The following MGAT4C variants were observed in gnomAD, a reference collection of about 807,000 sequenced individuals.
MGAT4C encodes the protein MGAT4 family member C.
MGAT4C carries 19 observed loss-of-function variants against 40.1 expected under a neutral mutation model. The ratio of observed to expected loss-of-function variants is 0.47; its 90% CI spans 0.33 to 0.70. The LOEUF (loss-of-function observed/expected upper bound fraction) is 0.70. MGAT4C is among the 30% of genes least tolerant of loss of function. The probability of loss-of-function intolerance (pLI) is 0.02; values close to 1 mark genes in which losing one functional copy is unlikely to be tolerated. For missense variants in MGAT4C, 491 were observed against 563.2 expected, an observed-to-expected ratio of 0.87 and a Z score of 1.30; for synonymous variants, 181 against 187.1, an observed-to-expected ratio of 0.97 and a Z score of 0.27.
chr12:85,981,349 G>C (rs890732831), intron 4 of MGAT4C, among the ~76,000 whole-genome samples: 19 of 152,086 alleles, frequency 1.2e-4, no homozygotes, highest in African/African-American at 4.3e-4. Context: ...ACATTTCTAA[G>C]CCACTATTTA....
intron 2 of MGAT4C, among the ~76,000 whole-genome samples, chr12:86,511,050 A>C (rs1592936657): frequency 6.6e-6 from 1 of 152,254 alleles, no homozygotes; most frequent in South Asian, 2.1e-4. Context: ...TTTTTTCAGC[A>C]CCACACCACA....
Position 85,979,453 on chromosome 12 carries a change from G to A in MGAT4C, c.1273C>T (p.Gln425Ter). Residue 425 changes from glutamine to a stop codon, truncating the protein, a stop_gained, in exon 5 of 5, where the codon CAA becomes TAA. Coordinates refer to ENST00000611864, the MANE Select transcript of MGAT4C (RefSeq NM_001351288.2). LOFTEE classifies it high-confidence loss of function. ...CCTAGTCTTAAGTAAGTAGAACATTGTCTCCTTTGTTTGCTAGGCATAACG... is the reference window on the plus strand; with the variant it reads ...CCTAGTCTTAAGTAAGTAGAACATTATCTCCTTTGTTTGCTAGGCATAACG... Reference protein sequence around the residue: ...ENVMPSKQRRQCSTYLRLGEF... With the variant: ...ENVMPSKQRR 1 of 1,613,338 alleles carries A rather than the reference G, an allele frequency of 6.2e-7. No homozygotes were observed. The highest frequency in any genetic ancestry group is 8.5e-7 in the Non-Finnish European group (1 of 1,179,560).
intron 1 of MGAT4C, among the ~76,000 whole-genome samples, chr12:86,830,955 C>T (rs751050685): frequency 4.6e-5 from 7 of 151,708 alleles, no homozygotes; most frequent in Non-Finnish European, 1.0e-4. Context: ...AAAAACAAGA[C>T]ATGAAACAAA....
intron 3 of MGAT4C, among the ~76,000 whole-genome samples, chr12:86,353,734 A>G (rs753765077): frequency 3.3e-4 from 50 of 152,302 alleles, no homozygotes; most frequent in Non-Finnish European, 4.6e-4. Context: ...CTCTCTCATT[A>G]TAGAAAGTGG....
At chr12:86,072,975 T>C (rs868617176) in intron 1 of MGAT4C, among the ~76,000 whole-genome samples, 1 of 152,122 alleles carries the variant, frequency 6.6e-6, no homozygotes, top group African/African-American at 2.4e-5. Context: ...TCTATTCCTT[T>C]ATGCAATGCA....
At chr12:86,291,953 C>T (rs557619926) in intron 4 of MGAT4C, among the ~76,000 whole-genome samples, 1 of 152,282 alleles carries the variant, frequency 6.6e-6, no homozygotes, top group South Asian at 2.1e-4. Context: ...CTTTTGGACT[C>T]ACAGTTAAAG....
chr12:86,146,073 A>T (rs1255530876), intron 1 of MGAT4C, among the ~76,000 whole-genome samples: 2 of 152,194 alleles, frequency 1.3e-5, no homozygotes, highest in Admixed American at 6.5e-5. Context: ...AATATTATCA[A>T]ATTTTAACAG....
chr12:85,989,352 G>C (rs1159546041), intron 3 of MGAT4C, 48 bp downstream of exon 3: 2 of 1,493,800 alleles, frequency 1.3e-6, no homozygotes, highest in African/African-American at 2.8e-5. Flanking sequence ...ATTCTTGTTT[G>C]ACTTATGCCT....
At chr12:86,191,083 G>GCACACA (rs56357601) in intron 1 of MGAT4C, among the ~76,000 whole-genome samples, 75 of 138,470 alleles carry the variant, frequency 5.4e-4, no homozygotes, top group Admixed American at 1.7e-3. Context: ...CTCTCTCTCT[G>GCACACA]CACACACACA....
intron 2 of MGAT4C, among the ~76,000 whole-genome samples, chr12:86,034,521 C>T (rs1323561725): frequency 3.4e-5 from 5 of 148,846 alleles, no homozygotes; most frequent in African/African-American, 7.3e-5. Flanking sequence ...AGATTTTCTA[C>T]CTTGTGTGCA....
chr12:86,816,183 T>C (rs1952603344), intron 1 of MGAT4C, among the ~76,000 whole-genome samples: 2 of 151,912 alleles, frequency 1.3e-5, no homozygotes, highest in Non-Finnish European at 2.9e-5. Context: ...TTTCATTAGA[T>C]AGTCTTATCA....
chr12:86,352,908 C>A (rs1955201514), intron 3 of MGAT4C, among the ~76,000 whole-genome samples: 1 of 151,514 alleles, frequency 6.6e-6, no homozygotes, highest in Non-Finnish European at 1.5e-5. Flanking sequence ...AGGAGATATA[C>A]CTAATGTTAA....
intron 2 of MGAT4C, among the ~76,000 whole-genome samples, chr12:86,494,308 C>G (rs138042150): frequency 3.3e-5 from 5 of 151,576 alleles, no homozygotes; most frequent in Non-Finnish European, 5.9e-5. Flanking sequence ...CCTTGCCTAG[C>G]CCTCTAAAAT....
At position 86,518,880 on chromosome 12, in the gene MGAT4C, T is replaced by C. The variant is rs374663859; in HGVS notation, c.-228-83615A>G. Among the ~76,000 whole-genome samples the C allele has an allele frequency of 1.5e-4, 23 of 152,200 alleles. No homozygotes were observed. The East Asian group carries it at 3.1e-3, about 20-fold the overall frequency. ...AGTAAAAATTAAAAAAAAAATCTAT[T>C]GACACACATAAAATGGATGAATCAA... On this transcript the variant is annotated intron_variant, in intron 2 of 7. Coordinates refer to the MGAT4C transcript ENST00000548651.
intron 1 of MGAT4C, among the ~76,000 whole-genome samples, chr12:86,131,796 T>C (rs1881226827): frequency 6.6e-6 from 1 of 152,082 alleles, no homozygotes; most frequent in African/African-American, 2.4e-5. Flanking sequence ...CTATTTAATT[T>C]GTAAAAATAA....
intron 1 of MGAT4C, among the ~76,000 whole-genome samples, chr12:86,730,571 T>C (rs952849352): frequency 5.3e-5 from 8 of 152,094 alleles, no homozygotes; most frequent in Non-Finnish European, 1.2e-4. Flanking sequence ...AAATATGTGA[T>C]ATATTGACAT....
chr12:86,723,185 G>A (rs974989951), intron 2 of MGAT4C, among the ~76,000 whole-genome samples: 1 of 152,088 alleles, frequency 6.6e-6, no homozygotes, highest in Non-Finnish European at 1.5e-5. Context: ...TAGTTTCATC[G>A]TTGTTCCTCA....
intron 1 of MGAT4C, among the ~76,000 whole-genome samples, chr12:86,762,097 G>T (rs1043877452): frequency 5.3e-5 from 8 of 151,602 alleles, no homozygotes; most frequent in African/African-American, 1.9e-4. Context: ...TGTTGCCCAG[G>T]CTGGAGTGCA....
At chr12:86,537,317 C>G (rs1959091264) in intron 2 of MGAT4C, among the ~76,000 whole-genome samples, 1 of 151,780 alleles carries the variant, frequency 6.6e-6, no homozygotes, top group South Asian at 2.1e-4. Flanking sequence ...CACATGTATA[C>G]ATATGTAACA....
Sources: gnomAD v4.1 joint callset for allele counts (sites outside exome capture counted in the v4.1 genomes callset) on GRCh38, gnomAD v4.1.1 for gene constraint, MANE v1.5 for transcripts, NCBI Gene and HGNC (gene_info 2026-07-23, HGNC 2026-07-21) for gene names.